ZNF212: variants seen among roughly 807,000 people sequenced by gnomAD.
ZNF212 encodes the protein zinc finger protein 212.
In ZNF212, 32 loss-of-function variants were observed where a neutral mutation model predicts 47.3. That is an observed-to-expected ratio of 0.68 (90% CI 0.51 to 0.91). ZNF212 has a LOEUF of 0.91. Among genes scored for constraint, ZNF212 ranks in the 40% least tolerant of loss-of-function variants. The pLI, the probability that ZNF212 is intolerant of heterozygous loss-of-function variation, is 0.00. For missense variants in ZNF212, 555 were observed against 622.8 expected (o/e 0.89, Z 1.16); for synonymous variants, 242 against 253.8 (o/e 0.95, Z 0.44).
rs1011411253 is a variant in ZNF212, at chr7:149,239,803, G to A, written c.24+1G>A. ...CATGGCGGAGTCGGCGCCTGCTCGG[G>A]TAAAGAGGCACCGGCGCGCTGGCTC... On this transcript the variant is annotated splice_donor_variant, in intron 1 of 4. Coordinates refer to ENST00000335870, the MANE Select transcript of ZNF212 (RefSeq NM_012256.4). LOFTEE classifies it high-confidence loss of function. 5 of 1,274,722 alleles carry A rather than the reference G, an allele frequency of 3.9e-6. No individual in the cohort carries two copies. Among genetic ancestry groups the A allele is most frequent in the Non-Finnish European group, 4.0e-6 (4 of 1,002,696 alleles). The allele number at this position is 1,274,722 out of a possible 1,614,324, so 79.0% of individuals were successfully genotyped here. A position where few individuals can be genotyped will look rare whatever the true frequency, so the allele number is the denominator to read the frequency against.
chr7:149,252,555 G>C, intron 3 of ZNF212, 151 bp from the exon 4 acceptor site: 1 of 694,742 alleles, frequency 1.4e-6, no homozygotes, highest in South Asian at 1.9e-5. Flanking sequence ...TTTTATAATT[G>C]TCCCAAACTG....
chr7:149,250,624 G>T, intron 2 of ZNF212, 57 bp from the exon 3 acceptor site: 1 of 1,610,876 alleles, frequency 6.2e-7, no homozygotes, highest in Non-Finnish European at 8.5e-7. Context: ...TCAGTTGCTG[G>T]CTTTTCTGTC....
At chr7:149,251,738 C>G (rs987588149) in intron 3 of ZNF212, among the ~76,000 whole-genome samples, 1 of 151,808 alleles carries the variant, frequency 6.6e-6, no homozygotes, top group Non-Finnish European at 1.5e-5. Context: ...GATCCACCCA[C>G]GTCGGCCTCC....
chr7:149,253,908 T>C lies in ZNF212; in HGVS notation c.981T>C (p.Tyr327=). The change falls in exon 5 of 5, where the codon TAT becomes TAC. Residue 327 remains tyrosine, a synonymous_variant. Transcript: ENST00000335870. The stretch of plus-strand genomic sequence containing the variant: ...CTGAGTGTGAGATCACCTTCCGCTA[T>C]AAGCAGCAGCTGGCCACACATCTGC... ...ECSECEITFR[Y]KQQLATHLRS... is the part of the protein sequence containing the mutation. The C allele has an allele frequency of 1.2e-6, 2 of 1,613,998 alleles. No homozygotes were observed. Among genetic ancestry groups the C allele is most frequent in the Admixed American group, 1.7e-5 (1 of 60,030 alleles).
rs1394430320 is a variant in ZNF212, at chr7:149,253,565, G to A, written c.638G>A (p.Gly213Glu). Residue 213 changes from glycine to glutamate, a missense_variant, in exon 5 of 5, where the codon GGG (glycine) becomes GAG (glutamate). By Grantham distance (98) the Gly-to-Glu change is moderately conservative. Coordinates refer to ENST00000335870, the MANE Select transcript of ZNF212 (RefSeq NM_012256.4). ...GTCTTCTTCCACTTTGCAGCAGGTG[G>A]GGTCATGATCAAACAGGAGCTACAG... ...EGPGGAHPAG[G>E]VMIKQELQYT... 5 of 1,596,876 alleles carry A rather than the reference G, an allele frequency of 3.1e-6. No individual in the cohort carries two copies. The highest frequency in any genetic ancestry group is 4.3e-6 in the Non-Finnish European group (5 of 1,166,394).
At chr7:149,247,807 A>C (rs568247406) in intron 1 of ZNF212, among the ~76,000 whole-genome samples, 4 of 152,286 alleles carry the variant, frequency 2.6e-5, no homozygotes, top group African/African-American at 9.6e-5. Context: ...TAATCTTGAC[A>C]TGGCCCATTA....
chr7:149,242,134 G>C (rs1341522234), intron 1 of ZNF212, among the ~76,000 whole-genome samples: 1 of 148,126 alleles, frequency 6.8e-6, no homozygotes, highest in East Asian at 2.0e-4. Context: ...CGATTCTCCT[G>C]CCTCAGCCTC....
At chr7:149,240,014 G>A in intron 1 of ZNF212, 2 of 521,786 alleles carry the variant, frequency 3.8e-6, no homozygotes, top group Non-Finnish European at 5.9e-6. Context: ...GAGCCTCGGC[G>A]CCGTGCGCCC....
At chr7:149,242,630 C>A (rs1796610492) in intron 1 of ZNF212, among the ~76,000 whole-genome samples, 1 of 152,034 alleles carries the variant, frequency 6.6e-6, no homozygotes, top group Non-Finnish European at 1.5e-5. Context: ...TGAAAATTTT[C>A]CCAAATAGAA....
rs1468799306 is a variant in ZNF212, at chr7:149,253,539, G to T, written c.632-20G>T. On this transcript the variant is annotated intron_variant, in intron 4 of 4. Transcript: ENST00000335870. ...GTACTAGAATGTGATCTTTTTTGTT[G>T]GTCTTCTTCCACTTTGCAGCAGGTG... 5.0e-5 allele frequency: 79 copies of T among 1,572,470 alleles called. No individual in the cohort carries two copies. Among genetic ancestry groups the T allele is most frequent in the Admixed American group, 4.5e-4 (24 of 53,458 alleles).
chr7:149,241,771 G>C (rs558087446), intron 1 of ZNF212, among the ~76,000 whole-genome samples: 4 of 152,250 alleles, frequency 2.6e-5, no homozygotes, highest in East Asian at 1.9e-4. Flanking sequence ...ATGATTCAAG[G>C]GACCTGCAAA....
At position 149,250,510 on chromosome 7, in the gene ZNF212, C is replaced by T. The variant is rs752536860; in HGVS notation, c.376C>T (p.Leu126=). The change falls in exon 2 of 5, where the codon CTG becomes TTG. Residue 126 remains leucine (L), a synonymous_variant. Coordinates refer to ENST00000335870, the MANE Select transcript of ZNF212 (RefSeq NM_012256.4). ...GCTGCGCAACAGGAACTTCTGGATC[C>T]TGCGGCTGCCCCCGGGCAGCAAGGG... The part of the protein sequence containing the change: ...NLLRNRNFWI[L]RLPPGSKGEA... 1.9e-6 allele frequency: 3 copies of T among 1,613,698 alleles called. No individual in the cohort carries two copies. The highest frequency in any genetic ancestry group is 8.5e-7 in the Non-Finnish European group (1 of 1,179,842).
chr7:149,243,093 G>C (rs1345760659), intron 1 of ZNF212, among the ~76,000 whole-genome samples: 1 of 152,146 alleles, frequency 6.6e-6, no homozygotes, highest in Non-Finnish European at 1.5e-5. Context: ...CAACTAGATG[G>C]TTTAAAAGAG....
At chr7:149,246,633 G>A (rs532312991) in intron 1 of ZNF212, among the ~76,000 whole-genome samples, 16 of 152,042 alleles carry the variant, frequency 1.1e-4, no homozygotes, top group East Asian at 5.8e-4. Context: ...TGATCAATCC[G>A]CCCTCCTCGG....
intron 1 of ZNF212, among the ~76,000 whole-genome samples, chr7:149,241,554 G>T (rs1796588528): frequency 6.6e-6 from 1 of 152,068 alleles, no homozygotes; most frequent in African/African-American, 2.4e-5. Context: ...GACATTTCAG[G>T]TGTCTGTCAT....
At chr7:149,253,430 C>T in intron 4 of ZNF212, 129 bp from the exon 5 acceptor site, 1 of 1,162,804 alleles carries the variant, frequency 8.6e-7, no homozygotes, top group East Asian at 2.5e-5. Flanking sequence ...CCAGTGTCAT[C>T]CTCCTCCACG....
chr7:149,250,365 T>C lies in ZNF212; in HGVS notation c.231T>C (p.Ala77=), dbSNP rs2129524334. 3 of 1,614,096 alleles carry C rather than the reference T, an allele frequency of 1.9e-6. No homozygotes were observed. The highest frequency in any genetic ancestry group is 2.2e-5 in the East Asian group (1 of 44,878). Residue 77 remains alanine, a synonymous_variant, in exon 2 of 5, where the codon GCT becomes GCC. Transcript: ENST00000335870. ...CGGGGACAGCCGAGAAGAAGCTGGC[T>C]GACTGCGAGAAGATGGCCGTGGAGT... ...GRTGTAEKKL[A]DCEKMAVEFG...
rs1265253551 is a variant in ZNF212, at chr7:149,241,167, C to CT, written c.24+1366dup. Among the ~76,000 whole-genome samples the CT allele has an allele frequency of 2.6e-5, 4 of 152,172 alleles. No homozygotes were observed. The East Asian group carries it at 7.7e-4, about 29-fold the overall frequency. On this transcript the variant is annotated intron_variant, in intron 1 of 4. Transcript: ENST00000335870. ...GTCCACCACAGGCCAGGCGCAGTGG[C>CT]TCATGCCTGTAATCCCAGCACTTTA...
At chr7:149,244,498 A>G (rs1319576912) in intron 1 of ZNF212, among the ~76,000 whole-genome samples, 1 of 151,906 alleles carries the variant, frequency 6.6e-6, no homozygotes, top group African/African-American at 2.4e-5. Flanking sequence ...TATTTTTAGT[A>G]GAGATGGGGT....
Sources: gnomAD v4.1 joint callset for allele counts (sites outside exome capture counted in the v4.1 genomes callset) on GRCh38, gnomAD v4.1.1 for gene constraint, MANE v1.5 for transcripts, NCBI Gene and HGNC (gene_info 2026-07-23, HGNC 2026-07-21) for gene names.